INSR: variants seen among roughly 807,000 people sequenced by gnomAD.
INSR encodes the protein IR.
In INSR, 67 loss-of-function variants were observed where a neutral mutation model predicts 142.6. That is an observed-to-expected ratio of 0.47 (90% CI 0.39 to 0.58). The LOEUF (loss-of-function observed/expected upper bound fraction) is 0.58. Ranked by LOEUF, INSR falls within the 20% of genes least tolerant of loss-of-function variation. The pLI is 0.00. For synonymous variants in INSR, 756 were observed against 743.1 expected, an observed-to-expected ratio of 1.02 and a Z score of -0.28; for missense variants, 1,248 against 1,833.2, an observed-to-expected ratio of 0.68 and a Z score of 5.83.
chr19:7,137,411 G>A (rs1309751768), intron 13 of INSR, among the ~76,000 whole-genome samples: 1 of 152,066 alleles, frequency 6.6e-6, no homozygotes, highest in East Asian at 1.9e-4. Context: ...GTTTGGCACT[G>A]CAAAGAAATG....
chr19:7,169,415 C>CAA lies in INSR; in HGVS notation c.1483+1120_1483+1121dup, dbSNP rs36098859. Among the ~76,000 whole-genome samples, 850 of 145,888 alleles carry CAA rather than the reference C, an allele frequency of 5.8e-3. 13 individuals carry two copies. The highest frequency in any genetic ancestry group is 0.02 in the African/African-American group (798 of 40,072). On this transcript the variant is annotated intron_variant, in intron 6 of 21. Coordinates refer to ENST00000302850, the MANE Select transcript of INSR (RefSeq NM_000208.4). Reference sequence around the variant, plus strand: ...CAAAACCCTGTCTCTACTAAAAATACAAAAAAAAAAATTAGCCGGGCTTGG... The same window carrying CAA: ...CAAAACCCTGTCTCTACTAAAAATACAAAAAAAAAAAAATTAGCCGGGCTTGG...
intron 2 of INSR, among the ~76,000 whole-genome samples, chr19:7,209,108 C>T (rs1431060105): frequency 6.6e-6 from 1 of 151,934 alleles, no homozygotes; most frequent in Non-Finnish European, 1.5e-5. Context: ...TGCAGTGAGC[C>T]AAGATTGTGC....
At chr19:7,173,571 C>T (rs1317509567) in intron 4 of INSR, among the ~76,000 whole-genome samples, 2 of 149,654 alleles carry the variant, frequency 1.3e-5, no homozygotes, top group Non-Finnish European at 2.9e-5. Context: ...ACCTCAGCCT[C>T]CCAAAGTGCT....
intron 2 of INSR, among the ~76,000 whole-genome samples, chr19:7,250,665 G>A (rs1002973356): frequency 4.0e-5 from 6 of 151,590 alleles, no homozygotes; most frequent in African/African-American, 2.4e-5. Flanking sequence ...TTTAAAAAAC[G>A]GTGTGTTTTT....
intron 2 of INSR, among the ~76,000 whole-genome samples, chr19:7,202,998 T>TTTTTTG (rs768309516): frequency 3.3e-4 from 15 of 45,962 alleles, no homozygotes; most frequent in African/African-American, 1.5e-3. Context: ...GTTTTGTTGT[T>TTTTTTG]TTTTTTTTTT....
At chr19:7,126,711 G>A in intron 15 of INSR, 60 bp from the exon 16 acceptor site, 2 of 1,477,822 alleles carry the variant, frequency 1.4e-6, no homozygotes, top group South Asian at 2.4e-5. Context: ...GCAGAAAGGT[G>A]TTTCATACAA....
intron 3 of INSR, 96 bp downstream of exon 3, chr19:7,184,220 T>C: frequency 9.0e-7 from 1 of 1,116,552 alleles, no homozygotes; most frequent in Non-Finnish European, 1.3e-6. Context: ...CAATTAACCC[T>C]GGGTTTGCAC....
chr19:7,124,145 C>G (rs544392929), intron 17 of INSR, among the ~76,000 whole-genome samples: 2 of 150,392 alleles, frequency 1.3e-5, no homozygotes, highest in Non-Finnish European at 3.0e-5. Context: ...GGGTGGATCA[C>G]GAGGTCAGGA....
At chr19:7,201,822 T>A (rs1310668399) in intron 2 of INSR, among the ~76,000 whole-genome samples, 6 of 147,036 alleles carry the variant, frequency 4.1e-5, no homozygotes, top group Admixed American at 4.1e-4. Context: ...CCACCACGCC[T>A]AGCTAATTTT....
At chr19:7,200,859 C>CAAA (rs59770137) in intron 2 of INSR, among the ~76,000 whole-genome samples, 5,858 of 76,106 alleles carry the variant, frequency 0.077, 263 homozygotes, top group African/African-American at 0.11. Context: ...GACCTTATCT[C>CAAA]AAAAAAAAAA....
intron 2 of INSR, among the ~76,000 whole-genome samples, chr19:7,211,011 C>A (rs1975258476): frequency 6.6e-6 from 1 of 152,092 alleles, no homozygotes; most frequent in African/African-American, 2.4e-5. Flanking sequence ...GTTGATCAAA[C>A]TGTTCTTGAT....
At chr19:7,272,663 AAAAC>A (rs904143106) in intron 1 of INSR, among the ~76,000 whole-genome samples, 33 of 152,096 alleles carry the variant, frequency 2.2e-4, no homozygotes, top group Admixed American at 9.8e-4. Flanking sequence ...AACAAAAACA[AAAAC>A]AAACAAACAA....
intron 2 of INSR, among the ~76,000 whole-genome samples, chr19:7,248,505 A>AAAAAAG (rs1555686588): frequency 2.3e-5 from 3 of 130,386 alleles, no homozygotes; most frequent in Admixed American, 8.6e-5. Flanking sequence ...AAAAAAAAAA[A>AAAAAAG]AAAGCATGAC....
intron 3 of INSR, among the ~76,000 whole-genome samples, chr19:7,179,898 C>T (rs1463149635): frequency 1.3e-5 from 2 of 152,112 alleles, no homozygotes. Flanking sequence ...CTGGGCTTGG[C>T]CATATGGCTT....
chr19:7,197,918 AGTGTGT>A (rs71864058), intron 2 of INSR, among the ~76,000 whole-genome samples: 20,235 of 100,190 alleles, frequency 0.2, 1,831 homozygotes, highest in Non-Finnish European at 0.24. Flanking sequence ...CCAGAGTGAG[AGTGTGT>A]GTGTGTGTGT....
chr19:7,241,523 G>A (rs918159296), intron 2 of INSR, among the ~76,000 whole-genome samples: 1 of 152,104 alleles, frequency 6.6e-6, no homozygotes, highest in Non-Finnish European at 1.5e-5. Flanking sequence ...TTGGGAGGCT[G>A]AGGCAGGAGA....
chr19:7,156,209 T>G (rs2144908780), intron 9 of INSR, among the ~76,000 whole-genome samples: 1 of 151,420 alleles, frequency 6.6e-6, no homozygotes, highest in African/African-American at 2.4e-5. Context: ...TACAGGCGCC[T>G]GCCACCACCC....
rs141935057 is a variant in INSR at position 7,265,382 on chromosome 19, C to T, written c.652+1963G>A. 6.2e-3 allele frequency among the ~76,000 whole-genome samples: 938 copies of T among 152,230 alleles called. 7 individuals are homozygous for T. The highest frequency in any genetic ancestry group is 0.018 in the African/African-American group (737 of 41,540). On this transcript the variant is annotated intron_variant, in intron 2 of 21. Transcript: ENST00000302850. ...TTAGCTATTTGGGAGAGAAACGAAA[C>T]GCCCGTTGAGTCACACACACAAACA...
At chr19:7,237,026 C>CAAA (rs111359523) in intron 2 of INSR, among the ~76,000 whole-genome samples, 1 of 90,654 alleles carries the variant, frequency 1.1e-5, no homozygotes, top group Non-Finnish European at 2.4e-5. Flanking sequence ...GACTCTGTCT[C>CAAA]AAAAAAAAAA....
Sources: allele counts gnomAD v4.1 joint callset (sites outside exome capture counted in the v4.1 genomes callset), GRCh38; gene constraint gnomAD v4.1.1; transcripts MANE v1.5; gene names NCBI Gene and HGNC (gene_info 2026-07-23, HGNC 2026-07-21).